FAM81A: variants seen among roughly 807,000 people sequenced by gnomAD.
FAM81A encodes protein FAM81A.
FAM81A carries 19 observed loss-of-function variants against 46.7 expected under a neutral mutation model. The ratio of observed to expected loss-of-function variants is 0.41; its 90% CI spans 0.28 to 0.60. The LOEUF is 0.60. Among genes scored for constraint, FAM81A ranks in the 20% least tolerant of loss-of-function variants. FAM81A has a pLI of 0.34. For synonymous variants in FAM81A, 183 were observed against 152.9 expected (o/e 1.20, Z -1.45); for missense variants, 377 against 453.5 (o/e 0.83, Z 1.53).
At chr15:59,443,531 G>A (rs2081323314) in intron 1 of FAM81A, among the ~76,000 whole-genome samples, 2 of 152,202 alleles carry the variant, frequency 1.3e-5, no homozygotes, top group Non-Finnish European at 2.9e-5. Context: ...TTTGAAGGGT[G>A]CAGGTCAGTT....
chr15:59,460,699 A>C lies in FAM81A; in HGVS notation c.294+493A>C, dbSNP rs1209280595. 2 of 205,732 alleles carry C rather than the reference A, an allele frequency of 9.7e-6. No individual in the cohort carries two copies. The highest frequency in any genetic ancestry group is 9.9e-6 in the Non-Finnish European group (1 of 100,954). The allele number at this position is 205,732 out of a possible 1,614,324, so 12.7% of individuals were successfully genotyped here. ...TTTTACTGCTGTAGTTTTCTTTGAA[A>C]TGAGACCAATAAAAGGCCAATATTG... is the stretch of plus-strand genomic sequence containing the variant. On this transcript the variant is annotated intron_variant, in intron 3 of 8. Coordinates refer to ENST00000288228, the MANE Select transcript of FAM81A (RefSeq NM_152450.3). This position sits in a 1 kb window ranked among gnomAD's most constrained non-coding sequence, Gnocchi z 4.4.
chr15:59,411,039 C>T (rs574067061), intron 2 of FAM81A, among the ~76,000 whole-genome samples: 14 of 152,240 alleles, frequency 9.2e-5, no homozygotes, highest in East Asian at 7.7e-4. Flanking sequence ...GGTGAGCCAC[C>T]GCGCCAGGCC....
intron 1 of FAM81A, chr15:59,446,584 A>G (rs1371425604): frequency 6.6e-6 from 1 of 152,230 alleles, no homozygotes; most frequent in East Asian, 1.9e-4. Context: ...TATGAATGTG[A>G]TAGAATGGAG....
intron 1 of FAM81A, among the ~76,000 whole-genome samples, chr15:59,457,355 G>C (rs1034744054): frequency 2.0e-5 from 3 of 152,206 alleles, no homozygotes; most frequent in Admixed American, 2.0e-4. Flanking sequence ...TCTGTTATCA[G>C]ATTGACTGTT....
At chr15:59,438,461 A>G (rs1005808063) in intron 1 of FAM81A, 179 bp downstream of exon 1, 8 of 152,280 alleles carry the variant, frequency 5.3e-5, no homozygotes, top group African/African-American at 1.9e-4. Context: ...TGTGACGCGA[A>G]GGGCTGAAGT....
At chr15:59,401,367 C>T (rs1030287562) in intron 1 of FAM81A, 23 of 789,354 alleles carry the variant, frequency 2.9e-5, no homozygotes, top group Non-Finnish European at 4.9e-5. Context: ...GTAATAACAC[C>T]CAAAGTTGTA....
intron 3 of FAM81A, among the ~76,000 whole-genome samples, chr15:59,475,483 C>G (rs2081755061): frequency 6.6e-6 from 1 of 152,106 alleles, no homozygotes; most frequent in African/African-American, 2.4e-5. Context: ...GAAAAATTTA[C>G]AATGCAGTGA....
At chr15:59,463,119 T>A (rs2081572383) in intron 3 of FAM81A, among the ~76,000 whole-genome samples, 1 of 152,244 alleles carries the variant, frequency 6.6e-6, no homozygotes. Flanking sequence ...GATTTTCTCC[T>A]ATGTTTAATT....
chr15:59,518,559 C>CA lies in FAM81A; in HGVS notation c.982+1721dup, dbSNP rs1267272114. Among the ~76,000 whole-genome samples, 4 of 152,224 alleles carry CA rather than the reference C, an allele frequency of 2.6e-5. No homozygotes were observed. The East Asian group carries it at 7.7e-4, about 29-fold the overall frequency. On this transcript the variant is annotated intron_variant, in intron 8 of 8. Transcript: ENST00000288228. ...CAGACTGGTCTGGAACTCCTGGCCT[C>CA]AAGCAGTCCTCTTGCCTTGACCTGC...
rs570158704 is a variant in FAM81A at position 59,512,793 on chromosome 15, G to A, written c.651-1496G>A. 9.8e-5 allele frequency among the ~76,000 whole-genome samples: 15 copies of A among 152,306 alleles called. No individual in the cohort carries two copies. The East Asian group carries it at 1.7e-3, about 18-fold the overall frequency. ...TGGTTTTTCCAAGGCTCCAGTCCTC[G>A]TCCCTTCCCAGTCACCTGGGACAGG... On this transcript the variant is annotated intron_variant, in intron 6 of 8. Coordinates refer to ENST00000288228, the MANE Select transcript of FAM81A (RefSeq NM_152450.3).
chr15:59,421,834 G>T (rs1445214859), intron 2 of FAM81A, among the ~76,000 whole-genome samples: 1 of 150,038 alleles, frequency 6.7e-6, no homozygotes, highest in African/African-American at 2.5e-5. Flanking sequence ...AGGTTTTAAA[G>T]CTGTTATCCT....
chr15:59,492,282 G>C lies in FAM81A; in HGVS notation c.306G>C (p.Glu102Asp). Residue 102 changes from glutamate (E) to aspartate (D), a missense_variant, in exon 4 of 9, where the codon GAG becomes GAC. Transcript: ENST00000288228. Reference protein sequence around the residue: ...QLNRDIEVLQEQIRARDNISY... With the variant: ...QLNRDIEVLQDQIRARDNISY... ...TTTATGTTGCCCAGGTACTCCAGGA[G>C]CAGATTCGTGCCCGGGACAACATTA... 6.2e-7 allele frequency: 1 copy of C among 1,612,530 alleles called. No individual in the cohort carries two copies. The highest frequency in any genetic ancestry group is 8.5e-7 in the Non-Finnish European group (1 of 1,179,076).
intron 3 of FAM81A, among the ~76,000 whole-genome samples, chr15:59,465,368 G>A (rs1479504145): frequency 6.6e-6 from 1 of 152,164 alleles, no homozygotes; most frequent in African/African-American, 2.4e-5. Context: ...AGCCTCCCAG[G>A]TTCAAGTGTT....
chr15:59,446,093 C>G lies in FAM81A; in HGVS notation c.-78+7811C>G, dbSNP rs541128454. 6.6e-5 allele frequency among the ~76,000 whole-genome samples: 10 copies of G among 152,290 alleles called. No homozygotes were observed. The East Asian group carries it at 1.9e-3, about 29-fold the overall frequency. On this transcript the variant is annotated intron_variant, in intron 1 of 8. Transcript: ENST00000288228. ...TTAGAAAAACAAAAAGGTGAATGAA[C>G]AAATATGTATGAGTGTCCGTGAAGA...
intron 2 of FAM81A, among the ~76,000 whole-genome samples, chr15:59,432,514 T>G (rs1358457078): frequency 2.0e-5 from 3 of 152,210 alleles, no homozygotes; most frequent in Admixed American, 6.5e-5. Flanking sequence ...CTCAGTCTCA[T>G]TTGGTTTTTA....
Position 59,460,109 on chromosome 15 carries a change from A to G in FAM81A, c.197A>G (p.Gln66Arg). The G allele has an allele frequency of 6.2e-7, 1 of 1,614,054 alleles. No homozygotes were observed. The highest frequency in any genetic ancestry group is 8.5e-7 in the Non-Finnish European group (1 of 1,179,894). The change falls in exon 3 of 9, where the codon CAA becomes CGA. Residue 66 changes from glutamine to arginine, a missense_variant. Transcript: ENST00000288228. This position sits in a 1 kb window ranked among gnomAD's most constrained non-coding sequence, Gnocchi z 4.4. Reference sequence around the variant, plus strand: ...ATTGTCAACAGTTTGCAGAAAATGCAAAACAAAGGGGGAGGTGACCGCTTG... The same window carrying G: ...ATTGTCAACAGTTTGCAGAAAATGCGAAACAAAGGGGGAGGTGACCGCTTG... ...DDIVNSLQKM[Q>R]NKGGGDRLAR...
At chr15:59,480,615 T>C (rs146969031) in intron 3 of FAM81A, among the ~76,000 whole-genome samples, 38 of 152,312 alleles carry the variant, frequency 2.5e-4, no homozygotes, top group Admixed American at 1.8e-3. Flanking sequence ...CAATGCACTT[T>C]CCACCCTTTA....
chr15:59,408,513 G>T (rs1056612878), intron 2 of FAM81A, among the ~76,000 whole-genome samples: 9 of 152,052 alleles, frequency 5.9e-5, no homozygotes, highest in Non-Finnish European at 2.9e-5. Flanking sequence ...TGGCCACGTT[G>T]TAAAACCCCA....
intron 2 of FAM81A, among the ~76,000 whole-genome samples, chr15:59,410,523 G>A (rs2081115761): frequency 7.6e-6 from 1 of 131,986 alleles, no homozygotes; most frequent in African/African-American, 2.8e-5. Context: ...GCAAGAAGGA[G>A]AATATGAGCT....
Sources: gnomAD v4.1 joint callset for allele counts (sites outside exome capture counted in the v4.1 genomes callset) on GRCh38, gnomAD v4.1.1 for gene constraint, Gnocchi (gnomAD v3.1) non-coding constraint, MANE v1.5 for transcripts, NCBI Gene and HGNC (gene_info 2026-07-23, HGNC 2026-07-21) for gene names.